Variants in CDH12 observed in about 807,000 individuals in gnomAD.
CDH12 encodes cadherin 12, also known as cadherin-12.
CDH12 carries 41 observed loss-of-function variants against 74.1 expected under a neutral mutation model. The ratio of observed to expected loss-of-function variants is 0.55; its 90% CI spans 0.43 to 0.72. The LOEUF (loss-of-function observed/expected upper bound fraction) is 0.72, where lower values mean the gene tolerates loss of function less well. Among genes scored for constraint, CDH12 ranks in the 30% least tolerant of loss-of-function variants. The pLI, the probability that CDH12 is intolerant of heterozygous loss-of-function variation, is 0.00. For synonymous variants in CDH12, 399 were observed against 355.0 expected (o/e 1.12, Z -1.39); for missense variants, 945 against 977.2 (o/e 0.97, Z 0.44).
chr5:22,052,242 T>C (rs1165072272), intron 5 of CDH12, among the ~76,000 whole-genome samples: 2 of 152,184 alleles, frequency 1.3e-5, no homozygotes, highest in Non-Finnish European at 2.9e-5. Flanking sequence ...GTTTCAAGTA[T>C]AGGCCTCCTA....
intron 2 of CDH12, among the ~76,000 whole-genome samples, chr5:22,490,561 T>C (rs1417725778): frequency 6.7e-6 from 1 of 148,812 alleles, no homozygotes; most frequent in Non-Finnish European, 1.5e-5. Context: ...AATCCATAGA[T>C]GAAAATGAAA....
intron 3 of CDH12, among the ~76,000 whole-genome samples, chr5:22,331,229 G>C (rs1425688257): frequency 6.6e-6 from 1 of 152,154 alleles, no homozygotes; most frequent in Admixed American, 6.5e-5. Context: ...GGGTCCTGGG[G>C]GAGCTTGCCA....
intron 1 of CDH12, among the ~76,000 whole-genome samples, chr5:22,683,937 T>C (rs866418444): frequency 1.2e-4 from 19 of 152,200 alleles, no homozygotes; most frequent in Admixed American, 1.0e-3. Flanking sequence ...CAAGACTCTC[T>C]AGTCACTGAA....
intron 4 of CDH12, among the ~76,000 whole-genome samples, chr5:22,147,306 C>A (rs925907771): frequency 6.6e-6 from 1 of 152,104 alleles, no homozygotes. Context: ...GTTTATAATG[C>A]ATTCTTGTTC....
At chr5:21,972,856 T>C (rs1478094473) in intron 6 of CDH12, among the ~76,000 whole-genome samples, 2 of 151,860 alleles carry the variant, frequency 1.3e-5, no homozygotes, top group Non-Finnish European at 2.9e-5. Context: ...GACTAATTCA[T>C]ACCATGTGGT....
At chr5:22,284,304 T>C (rs191911558) in intron 3 of CDH12, among the ~76,000 whole-genome samples, 1 of 152,264 alleles carries the variant, frequency 6.6e-6, no homozygotes, top group East Asian at 1.9e-4. Flanking sequence ...GCAATATACA[T>C]TAATTATCTC....
chr5:22,805,547 C>T (rs1043160915), intron 1 of CDH12, among the ~76,000 whole-genome samples: 1 of 151,650 alleles, frequency 6.6e-6, no homozygotes, highest in African/African-American at 2.4e-5. Flanking sequence ...ATTTGTGATC[C>T]TTATTATGTA....
intron 6 of CDH12, among the ~76,000 whole-genome samples, chr5:21,946,786 A>G (rs1755597285): frequency 1.3e-5 from 2 of 152,208 alleles, no homozygotes; most frequent in African/African-American, 4.8e-5. Context: ...ATGATGGTGT[A>G]AACAAACCTA....
At chr5:21,778,722 A>G (rs1372473135) in intron 11 of CDH12, among the ~76,000 whole-genome samples, 3 of 152,086 alleles carry the variant, frequency 2.0e-5, no homozygotes, top group African/African-American at 7.2e-5. Flanking sequence ...TGCCCTTAAG[A>G]ATAGATATCA....
At chr5:22,002,108 AAG>A (rs1381250936) in intron 5 of CDH12, among the ~76,000 whole-genome samples, 2 of 152,254 alleles carry the variant, frequency 1.3e-5, no homozygotes, top group Non-Finnish European at 2.9e-5. Flanking sequence ...ACATATGTAA[AAG>A]AGAGACTCCA....
At chr5:22,142,297 C>T (rs1261710385) in intron 4 of CDH12, 8 of 283,046 alleles carry the variant, frequency 2.8e-5, no homozygotes, top group Non-Finnish European at 5.3e-5. Flanking sequence ...AAAAAGAAAG[C>T]CTATATGAAG....
chr5:22,028,685 C>A (rs1580135765), intron 5 of CDH12, among the ~76,000 whole-genome samples: 1 of 152,076 alleles, frequency 6.6e-6, no homozygotes, highest in African/African-American at 2.4e-5. Flanking sequence ...GGCCATACTG[C>A]CCAAGGTAAT....
intron 1 of CDH12, among the ~76,000 whole-genome samples, chr5:22,757,617 T>C (rs1176657476): frequency 1.3e-5 from 2 of 152,186 alleles, no homozygotes; most frequent in Admixed American, 6.5e-5. Flanking sequence ...AATACTTCTG[T>C]TATCAGCATT....
chr5:22,814,880 TA>T (rs2126458408), intron 1 of CDH12, among the ~76,000 whole-genome samples: 1 of 152,320 alleles, frequency 6.6e-6, no homozygotes, highest in African/African-American at 2.4e-5. Context: ...TGGCATTTGT[TA>T]AAAAGGAGTT....
intron 1 of CDH12, among the ~76,000 whole-genome samples, chr5:22,668,177 AAGG>A (rs1740716076): frequency 6.6e-6 from 1 of 152,118 alleles, no homozygotes; most frequent in Admixed American, 6.5e-5. Context: ...ATTATAGAAA[AAGG>A]AAATCTTCTA....
intron 4 of CDH12, among the ~76,000 whole-genome samples, chr5:22,187,923 T>C (rs1181944302): frequency 6.6e-6 from 1 of 152,212 alleles, no homozygotes; most frequent in Non-Finnish European, 1.5e-5. Flanking sequence ...AAATGGAAAC[T>C]AGAAACATTA....
At chr5:22,632,953 A>C (rs998851065) in intron 1 of CDH12, among the ~76,000 whole-genome samples, 7 of 152,164 alleles carry the variant, frequency 4.6e-5, no homozygotes, top group Non-Finnish European at 1.0e-4. Flanking sequence ...ACAAAGCAGG[A>C]TAAATATAAA....
intron 1 of CDH12, among the ~76,000 whole-genome samples, chr5:22,721,244 A>C (rs1743866225): frequency 6.6e-6 from 1 of 152,216 alleles, no homozygotes; most frequent in African/African-American, 2.4e-5. Flanking sequence ...AAAGGGGCCA[A>C]GGTGGAGTGG....
chr5:22,714,018 T>C (rs403953), intron 1 of CDH12, among the ~76,000 whole-genome samples: 41,700 of 152,112 alleles, frequency 0.27, 5,825 homozygotes, highest in South Asian at 0.31. Flanking sequence ...TTATGTTGTT[T>C]CAGACATAAA....
Sources: gnomAD v4.1 joint callset for allele counts (sites outside exome capture counted in the v4.1 genomes callset) on GRCh38, gnomAD v4.1.1 for gene constraint, MANE v1.5 for transcripts, NCBI Gene and HGNC (gene_info 2026-07-23, HGNC 2026-07-21) for gene names.